The following ATP9B variants were observed in gnomAD, a reference collection of about 807,000 sequenced individuals.
The protein encoded by ATP9B is ATPase phospholipid transporting 9B, also known as probable phospholipid-transporting ATPase IIB.
Under a neutral mutation model 146.1 loss-of-function variants are expected in ATP9B, and 110 were observed. That is an observed-to-expected ratio of 0.75 (90% CI 0.65 to 0.88). The LOEUF is 0.88. Ranked by LOEUF, ATP9B falls within the 40% of genes least tolerant of loss-of-function variation. ATP9B has a pLI of 0.00. For synonymous variants in ATP9B, 604 were observed against 569.7 expected (o/e 1.06, Z -0.86); for missense variants, 1,499 against 1,496.4 (o/e 1.00, Z -0.03).
chr18:79,302,114 A>T (rs1444942681), intron 13 of ATP9B, among the ~76,000 whole-genome samples: 3 of 152,198 alleles, frequency 2.0e-5, no homozygotes, highest in African/African-American at 7.2e-5. Flanking sequence ...ATTTTTATGG[A>T]TATTTTGCAA....
chr18:79,152,794 G>GA (rs2094711676), intron 6 of ATP9B, among the ~76,000 whole-genome samples: 1 of 152,114 alleles, frequency 6.6e-6, no homozygotes, highest in South Asian at 2.1e-4. Context: ...GCTATTGATT[G>GA]AAAACACAAT....
At position 79,373,970 on chromosome 18, in the gene ATP9B, CCG is replaced by C; in HGVS notation, c.3145_3146del (p.Ala1049ThrfsTer40). ...GTCCACGTGGTGGCCATCTCCTTCA[CCG>C]CACTGATCCTGACCGAGCTGCTGAT... On this transcript the variant is annotated frameshift_variant, in exon 28 of 30. Transcript: ENST00000426216. LOFTEE classifies it high-confidence loss of function. 6.2e-7 allele frequency: 1 copy of C among 1,614,044 alleles called. No individual in the cohort carries two copies. The highest frequency in any genetic ancestry group is 8.5e-7 in the Non-Finnish European group (1 of 1,180,040).
intron 5 of ATP9B, among the ~76,000 whole-genome samples, chr18:79,133,900 C>CAGCTCT (rs1375124287): frequency 3.3e-5 from 5 of 152,340 alleles, no homozygotes; most frequent in African/African-American, 1.2e-4. Flanking sequence ...GGCCTGGCTC[C>CAGCTCT]AGCTCTGACT....
chr18:79,202,101 C>T (rs1568393592), intron 9 of ATP9B, among the ~76,000 whole-genome samples: 1 of 152,082 alleles, frequency 6.6e-6, no homozygotes, highest in Non-Finnish European at 1.5e-5. Flanking sequence ...AATTCAAGGT[C>T]CCTGTGGCAG....
chr18:79,330,634 C>G (rs2147131620), intron 17 of ATP9B, among the ~76,000 whole-genome samples: 1 of 152,276 alleles, frequency 6.6e-6, no homozygotes, highest in South Asian at 2.1e-4. Flanking sequence ...AGGATGGTCT[C>G]TATCTCCTGA....
chr18:79,236,817 C>T (rs1427945009), intron 11 of ATP9B, among the ~76,000 whole-genome samples: 2 of 122,908 alleles, frequency 1.6e-5, no homozygotes, highest in Admixed American at 8.1e-5. Context: ...GGTCCGTGCA[C>T]GAGTCAGTGT....
At chr18:79,193,083 GTAAA>G in intron 8 of ATP9B, 96 bp from the exon 9 acceptor site, 1 of 831,558 alleles carries the variant, frequency 1.2e-6, no homozygotes, top group Non-Finnish European at 1.8e-6. Context: ...ATTGCTTTTG[GTAAA>G]TAATATATGA....
chr18:79,227,005 G>A (rs990190480), intron 11 of ATP9B, among the ~76,000 whole-genome samples: 1 of 152,008 alleles, frequency 6.6e-6, no homozygotes, highest in African/African-American at 2.4e-5. Context: ...CTGTGTGTCG[G>A]GCACCATATA....
intron 2 of ATP9B, among the ~76,000 whole-genome samples, chr18:79,105,622 G>A (rs920869355): frequency 1.3e-5 from 2 of 152,148 alleles, no homozygotes; most frequent in Non-Finnish European, 2.9e-5. Context: ...ACACCTTTCT[G>A]TAAGCGGTTG....
intron 5 of ATP9B, among the ~76,000 whole-genome samples, chr18:79,130,574 A>G (rs1472192987): frequency 6.6e-6 from 1 of 152,156 alleles, no homozygotes; most frequent in Non-Finnish European, 1.5e-5. Flanking sequence ...TAAATTTGAT[A>G]AAAGACATTA....
chr18:79,080,200 G>C (rs1267360458), intron 1 of ATP9B, among the ~76,000 whole-genome samples: 1 of 152,088 alleles, frequency 6.6e-6, no homozygotes, highest in Admixed American at 6.5e-5. Context: ...TAGCTTGATG[G>C]GCATAGCATT....
intron 5 of ATP9B, among the ~76,000 whole-genome samples, chr18:79,143,150 C>T (rs1028097708): frequency 2.6e-5 from 4 of 152,044 alleles, no homozygotes; most frequent in Non-Finnish European, 4.4e-5. Flanking sequence ...TGTTTTGTTA[C>T]GTGTGTCTCA....
At chr18:79,370,660 G>A (rs771053636) in intron 26 of ATP9B, among the ~76,000 whole-genome samples, 2 of 152,056 alleles carry the variant, frequency 1.3e-5, no homozygotes, top group African/African-American at 2.4e-5. Flanking sequence ...GATGTTTTTT[G>A]TACCCATTCT....
At chr18:79,224,543 T>C (rs2095710768) in intron 11 of ATP9B, among the ~76,000 whole-genome samples, 2 of 152,164 alleles carry the variant, frequency 1.3e-5, no homozygotes, top group South Asian at 4.1e-4. Flanking sequence ...CCCTGTCTCA[T>C]GCAAATGGAT....
At chr18:79,238,965 C>T (rs914261688) in intron 11 of ATP9B, among the ~76,000 whole-genome samples, 2 of 152,184 alleles carry the variant, frequency 1.3e-5, no homozygotes, top group African/African-American at 2.4e-5. Flanking sequence ...ATTTTTATCA[C>T]GTCAGTAAGA....
Position 79,348,151 on chromosome 18 carries a change from TCTA to T in ATP9B, c.2861_2863del (p.Tyr954del), listed in dbSNP as rs760840895. ...CTCCAGGCTGTGTTTTCCTCAGTCTTCTACTTCGCATCCGTCCCTTTGTATCAG... is the reference window on the plus strand; with the variant it reads ...CTCCAGGCTGTGTTTTCCTCAGTCTTCTTCGCATCCGTCCCTTTGTATCAG... On this transcript the variant is annotated inframe_deletion, in exon 25 of 30. Transcript: ENST00000426216. 2.5e-6 allele frequency: 4 copies of T among 1,613,514 alleles called. No individual in the cohort carries two copies. The highest frequency in any genetic ancestry group is 1.7e-4 in the Middle Eastern group (1 of 6,058).
intron 27 of ATP9B, among the ~76,000 whole-genome samples, chr18:79,373,342 G>A (rs748103807): frequency 2.0e-5 from 3 of 152,130 alleles, no homozygotes; most frequent in African/African-American, 4.8e-5. Flanking sequence ...AAGTAGAGGT[G>A]TGGCTTCGTA....
intron 13 of ATP9B, among the ~76,000 whole-genome samples, chr18:79,290,393 ACT>A (rs1202733103): frequency 1.3e-5 from 2 of 151,986 alleles, no homozygotes; most frequent in African/African-American, 2.4e-5. Flanking sequence ...AATCAGCGAG[ACT>A]CTGTGGGGTA....
At chr18:79,217,063 C>A (rs1035155006) in intron 11 of ATP9B, among the ~76,000 whole-genome samples, 5 of 152,252 alleles carry the variant, frequency 3.3e-5, no homozygotes, top group Admixed American at 6.5e-5. Flanking sequence ...GCGTTCCCGA[C>A]TGTAGAGCCG....
Sources: gnomAD v4.1 joint callset for allele counts (sites outside exome capture counted in the v4.1 genomes callset) on GRCh38, gnomAD v4.1.1 for gene constraint, MANE v1.5 for transcripts, NCBI Gene and HGNC (gene_info 2026-07-23, HGNC 2026-07-21) for gene names.